CCDC28A: variants seen among roughly 807,000 people sequenced by gnomAD.
CCDC28A encodes coiled-coil domain-containing protein 28A.
CCDC28A carries 24 observed loss-of-function variants against 22.1 expected under a neutral mutation model. That is an observed-to-expected ratio of 1.09 (90% CI 0.79 to 1.53). The LOEUF (loss-of-function observed/expected upper bound fraction) is 1.53, where lower values mean the gene tolerates loss of function less well. Ranked by LOEUF, CCDC28A falls within the 40% of genes most tolerant of loss-of-function variation. The probability of loss-of-function intolerance (pLI) is 0.00; values close to 1 mark genes in which losing one functional copy is unlikely to be tolerated. For missense variants in CCDC28A, 170 were observed against 210.7 expected (o/e 0.81, Z 1.20); for synonymous variants, 83 against 74.7 (o/e 1.11, Z -0.57).
intron 4 of CCDC28A, among the ~76,000 whole-genome samples, 162 bp from the exon 5 acceptor site, chr6:138,788,204 T>C (rs1430517543): frequency 6.6e-6 from 1 of 152,054 alleles, no homozygotes; most frequent in Non-Finnish European, 1.5e-5. Context: ...CAAGCAGTTC[T>C]CCCGCCTTGG....
At chr6:138,782,699 T>TG (rs1562439688) in intron 3 of CCDC28A, among the ~76,000 whole-genome samples, 1 of 152,180 alleles carries the variant, frequency 6.6e-6, no homozygotes, top group Non-Finnish European at 1.5e-5. Context: ...TTGAAAAACA[T>TG]GACTAAAATA....
intron 5 of CCDC28A, among the ~76,000 whole-genome samples, chr6:138,789,224 A>G (rs1775136157): frequency 6.6e-6 from 1 of 152,216 alleles, no homozygotes; most frequent in African/African-American, 2.4e-5. Context: ...CAAAAGAACA[A>G]TGAGAAATGA....
intron 1 of CCDC28A, among the ~76,000 whole-genome samples, chr6:138,775,101 G>T (rs1477947837): frequency 3.3e-5 from 5 of 152,136 alleles, no homozygotes; most frequent in African/African-American, 1.2e-4. Context: ...CACCACTCCC[G>T]GCTAATTTTT....
At chr6:138,788,001 A>AC (rs1365606900) in intron 4 of CCDC28A, among the ~76,000 whole-genome samples, 2 of 120,500 alleles carry the variant, frequency 1.7e-5, no homozygotes, top group Non-Finnish European at 3.2e-5. Context: ...TCATTCTGTC[A>AC]CCCAGGCTGG....
intron 2 of CCDC28A, among the ~76,000 whole-genome samples, chr6:138,777,025 A>G (rs548135781): frequency 6.6e-6 from 1 of 152,208 alleles, no homozygotes; most frequent in Non-Finnish European, 1.5e-5. Context: ...TAACTATGTT[A>G]TATGTTACTG....
intron 5 of CCDC28A, among the ~76,000 whole-genome samples, chr6:138,790,478 A>T (rs1204389841): frequency 6.6e-6 from 1 of 152,148 alleles, no homozygotes; most frequent in Non-Finnish European, 1.5e-5. Context: ...TTAAACATTT[A>T]GAGTTTTTGT....
Position 138,793,043 on chromosome 6 carries a change from T to C in CCDC28A, c.*240T>C, listed in dbSNP as rs746795219. On this transcript the variant is annotated 3_prime_UTR_variant, in exon 6 of 6. Transcript: ENST00000617445. ...AAATGTGACGCAGAGATTGTGCTGC[T>C]GTGCTTCATATTGTTGCCTTATGGG... 4.7e-5 allele frequency: 23 copies of C among 488,852 alleles called. No homozygotes were observed. Among genetic ancestry groups the C allele is most frequent in the Non-Finnish European group, 7.4e-5 (20 of 269,176 alleles). The allele number at this position is 488,852 out of a possible 1,614,324, so 30.3% of individuals were successfully genotyped here.
At chr6:138,785,476 T>G in intron 4 of CCDC28A, 95 bp downstream of exon 4, 1 of 856,204 alleles carries the variant, frequency 1.2e-6, no homozygotes, top group East Asian at 2.5e-5. Flanking sequence ...AATCACGTGG[T>G]TGCTAGCGTA....
chr6:138,786,752 A>T (rs1446863024), intron 4 of CCDC28A, among the ~76,000 whole-genome samples: 1 of 152,126 alleles, frequency 6.6e-6, no homozygotes, highest in Non-Finnish European at 1.5e-5. Context: ...AGTAGCTGGG[A>T]CTATGGGCAC....
rs1394173705 is a variant in CCDC28A at position 138,792,776 on chromosome 6, A to G, written c.528A>G (p.Gln176=). The change falls in exon 6 of 6, where the codon CAA becomes CAG. Residue 176 remains glutamine (Q), a synonymous_variant. Coordinates refer to ENST00000617445, the MANE Select transcript of CCDC28A (RefSeq NM_015439.3). The stretch of plus-strand genomic sequence containing the variant: ...AAAAACTCCATTTGGCAGATGCACA[A>G]GATGTTCCAAATACTTCTGCTAGCT... ...SIQKLHLADA[Q]DVPNTSAS is the part of the protein sequence containing the mutation. 5 of 1,609,254 alleles carry G rather than the reference A, an allele frequency of 3.1e-6. No homozygotes were observed. In the Admixed American group the frequency reaches 5.0e-5, roughly 16 times the overall value.
In CCDC28A at chr6:138,776,245, C is replaced by A. The variant is rs1774932848; in HGVS notation, c.125C>A (p.Ser42Ter). ...AGCACAGGGTTTTCAAATCCTGCAT[C>A]ACAGTCAACTTCACAGCGACCAAAG... The part of the protein sequence containing the change: ...SKSTGFSNPA[S>*]QSTSQRPKLK... Residue 42 changes from serine (S) to a stop codon, truncating the protein, a stop_gained, in exon 2 of 6, where the codon TCA (serine) becomes TAA (stop). Transcript: ENST00000617445. LOFTEE classifies it high-confidence loss of function. The A allele has an allele frequency of 5.0e-6, 8 of 1,613,940 alleles. No homozygotes were observed. The highest frequency in any genetic ancestry group is 1.3e-5 in the African/African-American group (1 of 74,908).
At chr6:138,785,030 T>C (rs1420042936) in intron 3 of CCDC28A, among the ~76,000 whole-genome samples, 197 bp from the exon 4 acceptor site, 11 of 152,156 alleles carry the variant, frequency 7.2e-5, no homozygotes. Context: ...GTACCCAAGG[T>C]CATTTCTTAA....
At chr6:138,791,202 G>C (rs1229726311) in intron 5 of CCDC28A, among the ~76,000 whole-genome samples, 2 of 151,856 alleles carry the variant, frequency 1.3e-5, no homozygotes, top group African/African-American at 4.8e-5. Context: ...TCCCACCTCA[G>C]CCTCCTGAGT....
chr6:138,779,714 C>A, intron 2 of CCDC28A, 108 bp from the exon 3 acceptor site: 1 of 784,668 alleles, frequency 1.3e-6, no homozygotes, highest in Non-Finnish European at 1.9e-6. Context: ...AGTATTGACT[C>A]TATTTGATTT....
chr6:138,777,193 GC>G lies in CCDC28A; in HGVS notation c.158+917del, dbSNP rs370974899. 7.9e-4 allele frequency among the ~76,000 whole-genome samples: 120 copies of G among 152,300 alleles called. No individual in the cohort carries two copies. The Middle Eastern group carries it at 0.01, about 13-fold the overall frequency. ...ACCCTGGCAAGTTAGCTAAGGAAATGCCTGTTGCATTCTGTAGCCGCTGGGT... is the reference window on the plus strand; with the variant it reads ...ACCCTGGCAAGTTAGCTAAGGAAATGCTGTTGCATTCTGTAGCCGCTGGGT... On this transcript the variant is annotated intron_variant, in intron 2 of 5. Transcript: ENST00000617445.
chr6:138,792,644 T>A (rs555000976), intron 5 of CCDC28A, 105 bp from the exon 6 acceptor site: 8 of 742,970 alleles, frequency 1.1e-5, no homozygotes, highest in African/African-American at 1.7e-5. Context: ...TTTGAACATA[T>A]CTCTTTTTTA....
chr6:138,780,852 G>A (rs1775008615), intron 3 of CCDC28A, among the ~76,000 whole-genome samples: 1 of 152,138 alleles, frequency 6.6e-6, no homozygotes, highest in Admixed American at 6.5e-5. Context: ...GATCGCAGGC[G>A]TGAGCCACCG....
chr6:138,789,666 A>G (rs140176595), intron 5 of CCDC28A, among the ~76,000 whole-genome samples: 1,973 of 152,186 alleles, frequency 0.013, 39 homozygotes, highest in African/African-American at 0.045. Flanking sequence ...CTTTACTAAA[A>G]ATACAAAAAT....
intron 1 of CCDC28A, among the ~76,000 whole-genome samples, chr6:138,774,877 T>G (rs775960814): frequency 2.6e-5 from 4 of 152,240 alleles, no homozygotes; most frequent in Non-Finnish European, 4.4e-5. Context: ...TTATGATATA[T>G]GAAATAATGA....
Sources: gnomAD v4.1 joint callset for allele counts (sites outside exome capture counted in the v4.1 genomes callset) on GRCh38, gnomAD v4.1.1 for gene constraint, MANE v1.5 for transcripts, NCBI Gene and HGNC (gene_info 2026-07-23, HGNC 2026-07-21) for gene names.